The following DISP1 variants were observed in gnomAD, a reference collection of about 807,000 sequenced individuals.
DISP1 encodes protein dispatched homolog 1.
Under a neutral mutation model 37.3 loss-of-function variants are expected in DISP1, and 30 were observed. That is an observed-to-expected ratio of 0.80 (90% CI 0.60 to 1.09). The LOEUF (loss-of-function observed/expected upper bound fraction) is 1.09, where lower values mean the gene tolerates loss of function less well. Among genes scored for constraint, DISP1 ranks in the 50% least tolerant of loss-of-function variants. The pLI is 0.00. For missense variants in DISP1, 1,598 were observed against 1,879.5 expected (o/e 0.85, Z 2.77); for synonymous variants, 634 against 690.2 (o/e 0.92, Z 1.28).
chr1:222,950,789 T>A (rs1166812289), intron 3 of DISP1, among the ~76,000 whole-genome samples: 1 of 152,164 alleles, frequency 6.6e-6, no homozygotes, highest in East Asian at 1.9e-4. Context: ...AAGTTTTGAG[T>A]TATTCATTTG....
In DISP1 at chr1:223,002,797, T is replaced by C. The variant is rs755303223; in HGVS notation, c.1400T>C (p.Ile467Thr). 26 of 1,613,970 alleles carry C rather than the reference T, an allele frequency of 1.6e-5. No individual in the cohort carries two copies. Among genetic ancestry groups the C allele is most frequent in the African/African-American group, 2.7e-5 (2 of 74,868 alleles). The change falls in exon 9 of 9, where the codon ATT becomes ACT. Residue 467 changes from isoleucine to threonine, a missense_variant. Physicochemically the swap from Ile to Thr is moderately conservative, Grantham distance 89 (BLOSUM62 -1). Coordinates refer to ENST00000675850, the MANE Select transcript of DISP1 (RefSeq NM_001377229.1). ...PTEKGESMMNIYLDNFENWNS... is the reference protein window; with the variant it reads ...PTEKGESMMNTYLDNFENWNS... ...GAGAAAGGGGAGAGCATGATGAACA[T>C]TTACTTGGACAACTTTGAAAACTGG...
chr1:222,872,565 G>A (rs2125348148), intron 1 of DISP1: 1 of 152,282 alleles, frequency 6.6e-6, no homozygotes, highest in Non-Finnish European at 1.5e-5. Flanking sequence ...TTTGCGTAGA[G>A]GTGTTCATAA....
At chr1:222,918,763 T>A (rs1312202383) in intron 1 of DISP1, among the ~76,000 whole-genome samples, 1 of 152,260 alleles carries the variant, frequency 6.6e-6, no homozygotes, top group Non-Finnish European at 1.5e-5. Context: ...TCTCTGTGCC[T>A]TCTGTTAATC....
At chr1:222,914,594 TC>T (rs1672389142) in intron 1 of DISP1, among the ~76,000 whole-genome samples, 1 of 152,114 alleles carries the variant, frequency 6.6e-6, no homozygotes, top group South Asian at 2.1e-4. Flanking sequence ...CCCTTCCTCC[TC>T]CCATCCCCAG....
chr1:222,936,872 TATATATGATATATATA>T (rs1226920712), intron 2 of DISP1, among the ~76,000 whole-genome samples: 2 of 61,432 alleles, frequency 3.3e-5, no homozygotes, highest in African/African-American at 1.2e-4. Context: ...TTATATATCA[TATATATGATATATATA>T]ATATATTATT....
chr1:222,825,500 T>TC lies in DISP1; in HGVS notation c.-159+10422_-159+10423insC, dbSNP rs1017884245. On this transcript the variant is annotated intron_variant, in intron 1 of 8. Coordinates refer to ENST00000675850, the MANE Select transcript of DISP1 (RefSeq NM_001377229.1). ...AGCCATTTGGAATAACCTGTTTCTCTTTTTTTTTTTTTTTTTTTGAGATGG... is the reference window on the plus strand; with the variant it reads ...AGCCATTTGGAATAACCTGTTTCTCTCTTTTTTTTTTTTTTTTTTGAGATGG... Among the ~76,000 whole-genome samples, 64 of 107,518 alleles carry TC rather than the reference T, an allele frequency of 6.0e-4. 1 individual carries two copies. Among genetic ancestry groups the TC allele is most frequent in the South Asian group, 9.7e-4 (3 of 3,088 alleles). 70.5% of individuals were successfully genotyped at this position (107,518 alleles called of 152,430 possible). A position where few individuals can be genotyped will look rare whatever the true frequency, so the allele number is the denominator to read the frequency against.
intron 1 of DISP1, among the ~76,000 whole-genome samples, chr1:222,895,878 T>C (rs1233800588): frequency 6.6e-6 from 1 of 152,224 alleles, no homozygotes; most frequent in Non-Finnish European, 1.5e-5. Context: ...TAGAGAATCT[T>C]TGTGACCTTA....
intron 1 of DISP1, among the ~76,000 whole-genome samples, chr1:222,877,187 A>G (rs887593163): frequency 9.2e-5 from 14 of 152,228 alleles, no homozygotes; most frequent in Non-Finnish European, 1.6e-4. Flanking sequence ...AGGAATAAAC[A>G]GCTTATCCAA....
At chr1:222,887,477 A>C (rs1285624761) in intron 1 of DISP1, among the ~76,000 whole-genome samples, 3 of 128,282 alleles carry the variant, frequency 2.3e-5, no homozygotes, top group Non-Finnish European at 5.0e-5. Flanking sequence ...TAAATGTCAC[A>C]TTGTTTTTGT....
At position 222,819,484 on chromosome 1, in the gene DISP1, C is replaced by CT. The variant is rs554141364; in HGVS notation, c.-159+4413dup. 2.4e-3 allele frequency among the ~76,000 whole-genome samples: 358 copies of CT among 148,846 alleles called. 4 individuals are homozygous for CT. Among genetic ancestry groups the CT allele is most frequent in the African/African-American group, 8.5e-3 (346 of 40,538 alleles). On this transcript the variant is annotated intron_variant, in intron 1 of 8. Transcript: ENST00000675850. ...CACTCTCTGACATTTAAAAGTTACT[C>CT]TTTTTTTGTGGTTTTAATATGTTAT...
At chr1:222,829,394 C>A (rs1469387305) in intron 1 of DISP1, among the ~76,000 whole-genome samples, 1 of 150,702 alleles carries the variant, frequency 6.6e-6, no homozygotes, top group Non-Finnish European at 1.5e-5. Flanking sequence ...CTTCTTAAAA[C>A]GTATCAGTTT....
chr1:222,922,454 A>G (rs1034777043), intron 1 of DISP1, among the ~76,000 whole-genome samples: 3 of 152,166 alleles, frequency 2.0e-5, no homozygotes, highest in African/African-American at 7.2e-5. Flanking sequence ...GGACTTGGGA[A>G]TGAATGAACA....
At chr1:222,874,748 C>G (rs987336148) in intron 1 of DISP1, among the ~76,000 whole-genome samples, 1 of 152,110 alleles carries the variant, frequency 6.6e-6, no homozygotes. Flanking sequence ...TGAAGCCTTC[C>G]TCTCTCAACT....
chr1:222,893,046 G>A lies in DISP1; in HGVS notation c.-158-35384G>A, dbSNP rs1671023275. On this transcript the variant is annotated intron_variant, in intron 1 of 8. Transcript: ENST00000675850. This position sits in a 1 kb window ranked among gnomAD's most constrained non-coding sequence, Gnocchi z 4.3. ...TTTTTAAATAATTTCTATTTGACAT[G>A]TGTTAATGTTTACTTCACTTGATGT... Among the ~76,000 whole-genome samples, 2 of 152,114 alleles carry A rather than the reference G, an allele frequency of 1.3e-5. No individual in the cohort carries two copies. Among genetic ancestry groups the A allele is most frequent in the South Asian group, 2.1e-4 (1 of 4,822 alleles).
At position 222,901,828 on chromosome 1, in the gene DISP1, A is replaced by C. The variant is rs768443137; in HGVS notation, c.-158-26602A>C. ...GGGTGTGAGCCACTGTCCAATACTT[A>C]TAGATTTTTGTCAGAAATGCTACAA... On this transcript the variant is annotated intron_variant, in intron 1 of 8. Transcript: ENST00000675850. 5.9e-4 allele frequency among the ~76,000 whole-genome samples: 90 copies of C among 152,196 alleles called. 1 individual carries two copies. The highest frequency in any genetic ancestry group is 3.3e-3 in the Admixed American group (51 of 15,276).
chr1:222,896,629 A>G (rs1671276458), intron 1 of DISP1, among the ~76,000 whole-genome samples: 1 of 152,064 alleles, frequency 6.6e-6, no homozygotes, highest in Non-Finnish European at 1.5e-5. Context: ...GTAAAAAGAA[A>G]AAGCAAGGTA....
rs757209029 is a variant in DISP1 at position 223,002,456 on chromosome 1, A to G, written c.1059A>G (p.Thr353=). The part of the protein sequence containing the change: ...TTAASCCPSW[T]LGNYIAILNN... Reference sequence around the variant, plus strand: ...CTGCCTCCTGCTGCCCCAGCTGGACACTGGGAAACTACATCGCCATTCTGA... The same window carrying G: ...CTGCCTCCTGCTGCCCCAGCTGGACGCTGGGAAACTACATCGCCATTCTGA... Residue 353 remains threonine (T), a synonymous_variant, in exon 9 of 9, where the codon ACA becomes ACG. Coordinates refer to ENST00000675850, the MANE Select transcript of DISP1 (RefSeq NM_001377229.1). 17 of 1,614,038 alleles carry G rather than the reference A, an allele frequency of 1.1e-5. No homozygotes were observed. The highest frequency in any genetic ancestry group is 1.2e-5 in the Non-Finnish European group (14 of 1,180,042).
intron 1 of DISP1, 150 bp from the exon 2 acceptor site, chr1:222,928,280 C>T (rs1673194182): frequency 6.6e-6 from 1 of 152,196 alleles, no homozygotes; most frequent in Non-Finnish European, 1.5e-5. Flanking sequence ...GATCAAGCCC[C>T]TCTGTATGCC....
chr1:222,968,211 A>C (rs565803124), intron 3 of DISP1, among the ~76,000 whole-genome samples: 3 of 152,112 alleles, frequency 2.0e-5, no homozygotes, highest in Non-Finnish European at 4.4e-5. Flanking sequence ...TCCCATTCTC[A>C]AATGGGGTCA....
Sources: allele counts gnomAD v4.1 joint callset (sites outside exome capture counted in the v4.1 genomes callset), GRCh38; gene constraint gnomAD v4.1.1; non-coding constraint Gnocchi (gnomAD v3.1); transcripts MANE v1.5; gene names NCBI Gene and HGNC (gene_info 2026-07-23, HGNC 2026-07-21).